Variants in TRPM3 observed in about 807,000 individuals in gnomAD.
TRPM3 encodes long transient receptor potential channel 3.
A neutral mutation model predicts 181.2 loss-of-function variants in TRPM3; 77 were observed. That is an observed-to-expected ratio of 0.42 (90% CI 0.35 to 0.51). The LOEUF is 0.51. TRPM3 is among the 20% of genes least tolerant of loss of function. The pLI, the probability that TRPM3 is intolerant of heterozygous loss-of-function variation, is 0.01. For synonymous variants in TRPM3, 745 were observed against 796.4 expected, an observed-to-expected ratio of 0.94 and a Z score of 1.09; for missense variants, 1,759 against 2,196.7, an observed-to-expected ratio of 0.80 and a Z score of 3.98.
At chr9:70,639,553 G>T (rs2057736505) in intron 10 of TRPM3, among the ~76,000 whole-genome samples, 1 of 152,134 alleles carries the variant, frequency 6.6e-6, no homozygotes, top group Non-Finnish European at 1.5e-5. Context: ...GGGCACTTTT[G>T]CTGTCTTCAT....
chr9:71,439,696 A>G lies in TRPM3; in HGVS notation c.183+6957T>C, dbSNP rs183154885. ...TATTTTAAGACATTTTATTTATTTC[A>G]AAAAAATATGAAGAAAAGATGGCAA... On this transcript the variant is annotated intron_variant, in intron 1 of 24. Transcript: ENST00000357533. 2.4e-3 allele frequency among the ~76,000 whole-genome samples: 367 copies of G among 152,282 alleles called. 3 individuals are homozygous for G. Among genetic ancestry groups the G allele is most frequent in the African/African-American group, 8.4e-3 (351 of 41,546 alleles).
chr9:70,615,802 G>A (rs528648153), intron 18 of TRPM3, 106 bp downstream of exon 18: 8 of 1,174,134 alleles, frequency 6.8e-6, no homozygotes, highest in African/African-American at 1.5e-5. Context: ...GTGGAAGGCT[G>A]GGAACAGATG....
Position 71,284,426 on chromosome 9 carries a change from G to A in TRPM3, c.183+162227C>T, listed in dbSNP as rs62543439. ...AGCCATCCTTATATGTGAAGAAAAC[G>A]TGGAGAATACAACACTTGATCTGTC... On this transcript the variant is annotated intron_variant, in intron 1 of 24. Coordinates refer to the TRPM3 transcript ENST00000357533. Among the ~76,000 whole-genome samples, 7 of 152,240 alleles carry A rather than the reference G, an allele frequency of 4.6e-5. No individual in the cohort carries two copies. In the South Asian group the frequency reaches 6.2e-4, roughly 14 times the overall value.
Position 70,545,027 on chromosome 9 carries a change from T to G in TRPM3, c.3707+4515A>C, listed in dbSNP as rs565036356. The stretch of plus-strand genomic sequence containing the variant: ...ATATATGCCCCTCAATAACTTTTAA[T>G]ACTCTATAGTTAGGTCTTAATACTC... On this transcript the variant is annotated intron_variant, in intron 25 of 25. Transcript: ENST00000677713. Among the ~76,000 whole-genome samples, 11 of 152,352 alleles carry G rather than the reference T, an allele frequency of 7.2e-5. No homozygotes were observed. The South Asian group carries it at 1.9e-3, about 26-fold the overall frequency.
intron 6 of TRPM3, among the ~76,000 whole-genome samples, chr9:70,789,071 T>C (rs1457993362): frequency 6.6e-6 from 1 of 151,026 alleles, no homozygotes; most frequent in Admixed American, 6.6e-5. Context: ...TTCTTTCTTG[T>C]TTTTTTTTCT....
intron 1 of TRPM3, among the ~76,000 whole-genome samples, chr9:71,306,224 T>TA (rs1161094190): frequency 6.6e-6 from 1 of 152,166 alleles, no homozygotes; most frequent in Non-Finnish European, 1.5e-5. Flanking sequence ...GCTATTGAGA[T>TA]AAAATCAAAA....
chr9:70,548,169 A>G (rs2045533154), intron 25 of TRPM3, among the ~76,000 whole-genome samples: 1 of 152,232 alleles, frequency 6.6e-6, no homozygotes, highest in Non-Finnish European at 1.5e-5. Context: ...CCACATGGTT[A>G]TATGTCCATT....
intron 1 of TRPM3, among the ~76,000 whole-genome samples, chr9:71,270,846 A>C (rs2083734564): frequency 6.6e-6 from 1 of 152,156 alleles, no homozygotes; most frequent in Non-Finnish European, 1.5e-5. Context: ...TTTGGGGAAA[A>C]CCAGTCAACA....
chr9:70,885,266 T>C (rs2096066918), intron 1 of TRPM3, among the ~76,000 whole-genome samples: 1 of 152,184 alleles, frequency 6.6e-6, no homozygotes, highest in African/African-American at 2.4e-5. Context: ...GGGTGCTGTC[T>C]TGTGCCTTGT....
At chr9:71,338,340 G>A (rs1039592253) in intron 1 of TRPM3, among the ~76,000 whole-genome samples, 3 of 152,086 alleles carry the variant, frequency 2.0e-5, no homozygotes, top group Non-Finnish European at 4.4e-5. Flanking sequence ...CTGGAATAAC[G>A]TTCAACGCTC....
chr9:71,074,488 A>G (rs62544710), intron 1 of TRPM3, among the ~76,000 whole-genome samples: 1,758 of 152,334 alleles, frequency 0.012, 12 homozygotes, highest in Non-Finnish European at 0.017. Context: ...TCAGATTCCC[A>G]GTGTCCACAT....
intron 1 of TRPM3, among the ~76,000 whole-genome samples, chr9:71,439,629 G>A (rs1039279588): frequency 4.6e-5 from 7 of 151,924 alleles, no homozygotes; most frequent in Non-Finnish European, 1.0e-4. Flanking sequence ...TCAGAGACTG[G>A]GATCCAGACA....
chr9:71,390,521 G>A (rs1421745233), intron 1 of TRPM3, among the ~76,000 whole-genome samples: 1 of 151,958 alleles, frequency 6.6e-6, no homozygotes, highest in African/African-American at 2.4e-5. Context: ...CTTTCTACCA[G>A]TTTCATAAAT....
chr9:70,932,011 T>C (rs1369623444), intron 1 of TRPM3, among the ~76,000 whole-genome samples: 1 of 151,972 alleles, frequency 6.6e-6, no homozygotes, highest in Non-Finnish European at 1.5e-5. Context: ...ACAACAGCAG[T>C]GTGTGCTGAG....
At chr9:71,238,731 T>G (rs557878248) in intron 1 of TRPM3, among the ~76,000 whole-genome samples, 3 of 152,168 alleles carry the variant, frequency 2.0e-5, no homozygotes, top group Non-Finnish European at 2.9e-5. Flanking sequence ...TCAAGAAAAC[T>G]TATGAATACA....
intron 1 of TRPM3, among the ~76,000 whole-genome samples, chr9:71,027,652 A>G (rs899486223): frequency 1.3e-5 from 2 of 152,234 alleles, no homozygotes; most frequent in African/African-American, 4.8e-5. Flanking sequence ...ACACTCTACA[A>G]GCATTTCATA....
At chr9:71,234,952 T>C (rs1229868399) in intron 1 of TRPM3, among the ~76,000 whole-genome samples, 1 of 152,198 alleles carries the variant, frequency 6.6e-6, no homozygotes, top group African/African-American at 2.4e-5. Flanking sequence ...CTATCCTACA[T>C]AGGCTTCATA....
intron 8 of TRPM3, among the ~76,000 whole-genome samples, chr9:70,755,089 A>AT (rs771271718): frequency 1.1e-4 from 16 of 152,152 alleles, no homozygotes; most frequent in Admixed American, 8.5e-4. Flanking sequence ...TTTCTAACTT[A>AT]TTTTTGCCCG....
intron 1 of TRPM3, among the ~76,000 whole-genome samples, chr9:71,196,769 G>T (rs920606321): frequency 3.9e-5 from 6 of 151,948 alleles, no homozygotes; most frequent in Non-Finnish European, 8.8e-5. Context: ...AGAAAACTAG[G>T]ATATGAACAC....
Sources: gnomAD v4.1 joint callset for allele counts (sites outside exome capture counted in the v4.1 genomes callset) on GRCh38, gnomAD v4.1.1 for gene constraint, MANE v1.5 for transcripts, NCBI Gene and HGNC (gene_info 2026-07-23, HGNC 2026-07-21) for gene names.